The following LRRIQ3 variants were observed in gnomAD, a reference collection of about 807,000 sequenced individuals.
LRRIQ3 encodes the protein leucine-rich repeat and IQ domain-containing protein 3.
A neutral mutation model predicts 59.3 loss-of-function variants in LRRIQ3; 75 were observed. The ratio of observed to expected loss-of-function variants is 1.26; its 90% CI spans 1.05 to 1.53. LRRIQ3 has a LOEUF of 1.53. LRRIQ3 is among the 40% of genes most tolerant of loss of function. The probability of loss-of-function intolerance (pLI) is 0.00; values close to 1 mark genes in which losing one functional copy is unlikely to be tolerated. For synonymous variants in LRRIQ3, 250 were observed against 231.3 expected (o/e 1.08, Z -0.73); for missense variants, 831 against 710.0 (o/e 1.17, Z -1.94).
chr1:74,066,125 ACAGTGAGC>A (rs1654858937), intron 6 of LRRIQ3, among the ~76,000 whole-genome samples: 1 of 151,588 alleles, frequency 6.6e-6, no homozygotes, highest in Admixed American at 6.6e-5. Flanking sequence ...GGCAGAGGTA[ACAGTGAGC>A]CAAGATCATG....
intron 4 of LRRIQ3, among the ~76,000 whole-genome samples, chr1:74,147,902 T>A (rs535961174): frequency 5.3e-4 from 80 of 152,298 alleles, no homozygotes; most frequent in African/African-American, 1.8e-3. Flanking sequence ...CTCTTCTCCT[T>A]CTGGGTCTTT....
chr1:74,053,263 T>C (rs1255433279), intron 6 of LRRIQ3, among the ~76,000 whole-genome samples: 3 of 146,320 alleles, frequency 2.1e-5, no homozygotes, highest in Non-Finnish European at 4.5e-5. Context: ...TAGATTTAAA[T>C]ATAAAATGCA....
chr1:74,138,511 G>A (rs1647167342), intron 4 of LRRIQ3: 1 of 984,254 alleles, frequency 1.0e-6, no homozygotes, highest in South Asian at 4.7e-5. Flanking sequence ...AATGTCTGTT[G>A]TCTCAATATG....
At chr1:74,122,150 A>C (rs890814972) in intron 4 of LRRIQ3, among the ~76,000 whole-genome samples, 2 of 152,122 alleles carry the variant, frequency 1.3e-5, no homozygotes, top group African/African-American at 4.8e-5. Flanking sequence ...ATCCCTGAGG[A>C]ATCGCCACAC....
chr1:74,142,090 T>C (rs1241440306), intron 4 of LRRIQ3, among the ~76,000 whole-genome samples: 2 of 151,910 alleles, frequency 1.3e-5, no homozygotes, highest in African/African-American at 4.8e-5. Flanking sequence ...CTATTGTGAA[T>C]AATGTTGCAA....
intron 4 of LRRIQ3, among the ~76,000 whole-genome samples, chr1:74,126,173 G>A (rs552208598): frequency 1.3e-5 from 2 of 151,474 alleles, no homozygotes; most frequent in African/African-American, 2.4e-5. Context: ...ATAATCTTTC[G>A]GATTTCTGTG....
chr1:74,159,559 C>A (rs1008450313), intron 3 of LRRIQ3, among the ~76,000 whole-genome samples: 4 of 152,096 alleles, frequency 2.6e-5, no homozygotes, highest in Middle Eastern at 3.2e-3. Context: ...GTCTGTTTTG[C>A]TGGTTCATTT....
At chr1:74,144,182 A>C (rs191291666) in intron 4 of LRRIQ3, among the ~76,000 whole-genome samples, 1 of 152,006 alleles carries the variant, frequency 6.6e-6, no homozygotes, top group Admixed American at 6.6e-5. Context: ...CAAATTAGCT[A>C]ACTTCCTAGT....
intron 4 of LRRIQ3, among the ~76,000 whole-genome samples, chr1:74,121,148 CT>C (rs1646849350): frequency 6.6e-6 from 1 of 152,074 alleles, no homozygotes; most frequent in African/African-American, 2.4e-5. Context: ...AATAAAACTA[CT>C]TGAGAATAGT....
At chr1:74,065,484 G>C (rs924316540) in intron 6 of LRRIQ3, among the ~76,000 whole-genome samples, 4 of 152,030 alleles carry the variant, frequency 2.6e-5, no homozygotes, top group African/African-American at 9.7e-5. Context: ...CACTGTAGAT[G>C]CATCAATTCA....
chr1:74,146,714 C>A (rs962700192), intron 4 of LRRIQ3, among the ~76,000 whole-genome samples: 1 of 152,066 alleles, frequency 6.6e-6, no homozygotes, highest in Non-Finnish European at 1.5e-5. Context: ...AGTTTTGAAA[C>A]CTCAGGCAAG....
chr1:74,187,144 A>G (rs1195465429), intron 1 of LRRIQ3, among the ~76,000 whole-genome samples: 2 of 152,150 alleles, frequency 1.3e-5, no homozygotes, highest in African/African-American at 4.8e-5. Context: ...CTAAAGGTAG[A>G]ACTACCATTT....
At chr1:74,171,861 T>C (rs925279359) in intron 3 of LRRIQ3, among the ~76,000 whole-genome samples, 1 of 152,182 alleles carries the variant, frequency 6.6e-6, no homozygotes. Flanking sequence ...TGGGAGGTTG[T>C]ATGTTTCTGG....
chr1:74,091,602 G>A (rs895293465), intron 5 of LRRIQ3, among the ~76,000 whole-genome samples: 10 of 151,870 alleles, frequency 6.6e-5, no homozygotes, highest in African/African-American at 2.4e-4. Context: ...CCAAAAACAA[G>A]TGAAATTCAA....
chr1:74,176,431 G>C (rs1044398126), intron 3 of LRRIQ3, among the ~76,000 whole-genome samples: 5 of 151,822 alleles, frequency 3.3e-5, no homozygotes, highest in Non-Finnish European at 5.9e-5. Context: ...GATATTTTTT[G>C]GCATTGGATT....
intron 3 of LRRIQ3, among the ~76,000 whole-genome samples, chr1:74,174,217 C>A (rs1272011504): frequency 5.3e-5 from 8 of 150,500 alleles, no homozygotes; most frequent in Admixed American, 5.3e-4. Context: ...CTTTTTTTTT[C>A]TTTTCTTTTC....
chr1:74,194,121 C>T (rs983076032), intron 1 of LRRIQ3, among the ~76,000 whole-genome samples: 2 of 152,094 alleles, frequency 1.3e-5, no homozygotes, highest in African/African-American at 4.8e-5. Context: ...AATCCCAGAA[C>T]TTTGAGAGGC....
intron 5 of LRRIQ3, among the ~76,000 whole-genome samples, chr1:74,080,204 T>C (rs1459464821): frequency 1.3e-5 from 2 of 151,702 alleles, no homozygotes; most frequent in Non-Finnish European, 3.0e-5. Context: ...GAGCCATCCT[T>C]AGGTAATTCA....
chr1:74,185,100 T>C (rs766493739), intron 1 of LRRIQ3, among the ~76,000 whole-genome samples: 2 of 152,208 alleles, frequency 1.3e-5, no homozygotes, highest in South Asian at 2.1e-4. Flanking sequence ...CAATTATGAA[T>C]AAAAGTGCTA....
Sources: allele counts gnomAD v4.1 joint callset (sites outside exome capture counted in the v4.1 genomes callset), GRCh38; gene constraint gnomAD v4.1.1; transcripts MANE v1.5; gene names NCBI Gene and HGNC (gene_info 2026-07-23, HGNC 2026-07-21).